Variants in KDM4B observed in about 807,000 individuals in gnomAD.
KDM4B encodes the protein lysine demethylase 4B.
A neutral mutation model predicts 125.2 loss-of-function variants in KDM4B; 32 were observed. That is an observed-to-expected ratio of 0.26 (90% CI 0.19 to 0.34). The LOEUF is 0.34. Among genes scored for constraint, KDM4B ranks in the 10% least tolerant of loss-of-function variants. KDM4B has a pLI of 1.00. For synonymous variants in KDM4B, 721 were observed against 677.9 expected (o/e 1.06, Z -0.99); for missense variants, 1,190 against 1,577.7 (o/e 0.75, Z 4.16).
chr19:5,072,870 G>A (rs775802901), intron 7 of KDM4B, among the ~76,000 whole-genome samples: 3 of 152,170 alleles, frequency 2.0e-5, no homozygotes, highest in Non-Finnish European at 2.9e-5. Context: ...TCTAGAGGCC[G>A]CCCGCATTCC....
At chr19:5,085,282 C>T (rs973686737) in intron 9 of KDM4B, among the ~76,000 whole-genome samples, 5 of 152,160 alleles carry the variant, frequency 3.3e-5, no homozygotes, top group Admixed American at 6.5e-5. Flanking sequence ...GTTGGGATTT[C>T]AGCTTTTTGA....
At chr19:5,021,039 C>T (rs946009898) in intron 2 of KDM4B, among the ~76,000 whole-genome samples, 2 of 151,066 alleles carry the variant, frequency 1.3e-5, no homozygotes, top group East Asian at 1.9e-4. Flanking sequence ...CCCAGCTACT[C>T]GGGGGCTGAG....
intron 5 of KDM4B, 104 bp from the exon 6 acceptor site, chr19:5,047,372 G>A (rs1279611110): frequency 1.5e-5 from 16 of 1,059,756 alleles, no homozygotes; most frequent in Non-Finnish European, 1.8e-5. Context: ...GGAGGAGGAT[G>A]GGCAGCGACC....
At chr19:4,996,509 G>C (rs970805790) in intron 1 of KDM4B, among the ~76,000 whole-genome samples, 3 of 151,988 alleles carry the variant, frequency 2.0e-5, no homozygotes, top group African/African-American at 7.2e-5. Flanking sequence ...AAGTTGCTGG[G>C]GCCACATGTG....
chr19:4,994,020 G>GTTTTTTTTTT (rs55641886), intron 1 of KDM4B, among the ~76,000 whole-genome samples: 147 of 66,696 alleles, frequency 2.2e-3, no homozygotes, highest in Non-Finnish European at 2.7e-3. Flanking sequence ...TTTTCAGCCT[G>GTTTTTTTTTT]TTTTTTTTTT....
In KDM4B at chr19:5,114,070, G is replaced by A. The variant is rs1255960045; in HGVS notation, c.1115+3252G>A. On this transcript the variant is annotated intron_variant, in intron 10 of 22. Transcript: ENST00000159111. The surrounding 1 kb of genome is among the most constrained non-coding windows in gnomAD (Gnocchi z 5.8). ...CTAAAACTGCAGCCTGGCTCCTGGC[G>A]GGTGCCCTCAGCCTCCCCACTCCCG... 6.2e-6 allele frequency: 8 copies of A among 1,288,806 alleles called. No individual in the cohort carries two copies. The highest frequency in any genetic ancestry group is 2.1e-4 in the Middle Eastern group (1 of 4,712). 79.8% of individuals were successfully genotyped at this position (1,288,806 alleles called of 1,614,324 possible).
intron 6 of KDM4B, among the ~76,000 whole-genome samples, chr19:5,050,404 TC>T (rs751557952): frequency 6.6e-6 from 1 of 152,280 alleles, no homozygotes; most frequent in Middle Eastern, 3.4e-3. Flanking sequence ...ACCTGCAACT[TC>T]CCCCCGCCAA....
rs59578858 is a variant in KDM4B, at chr19:5,039,168, G to A, written c.142-668G>A. The stretch of plus-strand genomic sequence containing the variant: ...CCGTTTTGAAAAATGCCTTACCAGG[G>A]CGCAGTGGCTCACATCTGTGATCCC... On this transcript the variant is annotated intron_variant, in intron 3 of 22. Transcript: ENST00000159111. Among the ~76,000 whole-genome samples, 1,470 of 152,342 alleles carry A rather than the reference G, an allele frequency of 9.6e-3. 27 individuals are homozygous for A. Among genetic ancestry groups the A allele is most frequent in the African/African-American group, 0.033 (1,380 of 41,570 alleles).
At chr19:5,120,502 G>C (rs1022916815) in intron 11 of KDM4B, among the ~76,000 whole-genome samples, 2 of 151,910 alleles carry the variant, frequency 1.3e-5, no homozygotes, top group African/African-American at 4.8e-5. Flanking sequence ...GGCAAGACAG[G>C]GGGCAGCCGC....
chr19:5,057,069 C>CGT (rs1555701561), intron 6 of KDM4B, among the ~76,000 whole-genome samples: 7 of 128,476 alleles, frequency 5.4e-5, no homozygotes, highest in Non-Finnish European at 7.9e-5. Flanking sequence ...TGTGTGTGCG[C>CGT]GCGCGCGCGT....
chr19:4,989,239 A>G (rs926777090), intron 1 of KDM4B, among the ~76,000 whole-genome samples: 2 of 151,938 alleles, frequency 1.3e-5, no homozygotes, highest in South Asian at 4.1e-4. Context: ...TTGCCTAAGG[A>G]TGGTGGGGCA....
rs2039227883 is a variant in KDM4B, at chr19:5,115,014, A to G, written c.1115+4196A>G. On this transcript the variant is annotated intron_variant, in intron 10 of 22. Transcript: ENST00000159111. The surrounding 1 kb of genome is among the most constrained non-coding windows in gnomAD (Gnocchi z 4.2). ...TCTCCTGAAACGCCACTGAAACACC[A>G]GAGAGTGAAGTGCAGAGAACGGGAG... Among the ~76,000 whole-genome samples, 6 of 152,220 alleles carry G rather than the reference A, an allele frequency of 3.9e-5. No individual in the cohort carries two copies. In the South Asian group the frequency reaches 8.3e-4, roughly 21 times the overall value.
chr19:5,131,805 G>T, intron 12 of KDM4B, 82 bp from the exon 13 acceptor site: 1 of 1,571,684 alleles, frequency 6.4e-7, no homozygotes, highest in Non-Finnish European at 8.7e-7. Flanking sequence ...CCTCAGGCAC[G>T]CCGAGCCCCT....
intron 6 of KDM4B, among the ~76,000 whole-genome samples, chr19:5,049,620 G>A (rs946807034): frequency 4.6e-5 from 7 of 151,984 alleles, no homozygotes; most frequent in African/African-American, 9.7e-5. Context: ...TGCTTAGCAC[G>A]CAGGGCCCCT....
rs145033546 is a variant in KDM4B, at chr19:5,080,018, G to A, written c.781-2349G>A. Among the ~76,000 whole-genome samples, 455 of 152,318 alleles carry A rather than the reference G, an allele frequency of 3.0e-3. 18 individuals are homozygous for A. The East Asian group carries it at 0.068, about 23-fold the overall frequency. ...CCCTTGGGGACCCCATGTCCTGCACGGCGGGGGCCAGGCCCTGGGGCCACG... is the reference window on the plus strand; with the variant it reads ...CCCTTGGGGACCCCATGTCCTGCACAGCGGGGGCCAGGCCCTGGGGCCACG... On this transcript the variant is annotated intron_variant, in intron 8 of 22. Coordinates refer to ENST00000159111, the MANE Select transcript of KDM4B (RefSeq NM_015015.3).
chr19:5,067,510 C>T (rs1568272391), intron 6 of KDM4B, among the ~76,000 whole-genome samples: 3 of 152,166 alleles, frequency 2.0e-5, no homozygotes. Flanking sequence ...ATGACCTGGC[C>T]TCCAGGGCTC....
intron 1 of KDM4B, among the ~76,000 whole-genome samples, chr19:4,983,612 A>AGGCGCAGGGCTGGTGGGGC (rs1309157389): frequency 1.3e-5 from 2 of 152,016 alleles, no homozygotes; most frequent in African/African-American, 2.4e-5. Flanking sequence ...GCTGGTGGGG[A>AGGCGCAGGGCTGGTGGGGC]GGCGCAGGGC....
intron 1 of KDM4B, among the ~76,000 whole-genome samples, chr19:4,994,697 T>G (rs1231627737): frequency 6.6e-6 from 1 of 152,178 alleles, no homozygotes; most frequent in East Asian, 1.9e-4. Context: ...CCATTCATAT[T>G]TAATGCCGTT....
At position 5,035,626 on chromosome 19, in the gene KDM4B, TC is replaced by T. The variant is rs1568244331; in HGVS notation, c.141+2601del. Among the ~76,000 whole-genome samples the T allele has an allele frequency of 6.6e-6, 1 of 151,896 alleles. No individual in the cohort carries two copies. The highest frequency in any genetic ancestry group is 1.5e-5 in the Non-Finnish European group (1 of 67,956). On this transcript the variant is annotated intron_variant, in intron 3 of 22. Coordinates refer to ENST00000159111, the MANE Select transcript of KDM4B (RefSeq NM_015015.3). This position sits in a 1 kb window ranked among gnomAD's most constrained non-coding sequence, Gnocchi z 5.3. ...ATGTCGCTGCTTCAGGTTTCTGCAC[TC>T]CCCCCAGGCCAGTTCCCCCGAGATT... is the stretch of plus-strand genomic sequence containing the variant.
Sources: gnomAD v4.1 joint callset for allele counts (sites outside exome capture counted in the v4.1 genomes callset) on GRCh38, gnomAD v4.1.1 for gene constraint, Gnocchi (gnomAD v3.1) non-coding constraint, MANE v1.5 for transcripts, NCBI Gene and HGNC (gene_info 2026-07-23, HGNC 2026-07-21) for gene names.